LYRM4: variants seen among roughly 807,000 people sequenced by gnomAD.
The protein encoded by LYRM4 is LYR motif-containing protein 4.
Under a neutral mutation model 11.7 loss-of-function variants are expected in LYRM4, and 9 were observed. That is an observed-to-expected ratio of 0.77 (90% CI 0.46 to 1.34). The LOEUF is 1.34. Among genes scored for constraint, LYRM4 ranks in the 40% most tolerant of loss-of-function variants. The pLI is 0.00. For missense variants in LYRM4, 133 were observed against 112.5 expected (o/e 1.18, Z -0.82); for synonymous variants, 42 against 40.4 (o/e 1.04, Z -0.15).
chr6:5,075,053 C>T, the LYRM4 span, among the ~76,000 whole-genome samples: 7 of 152,102 alleles, frequency 4.6e-5, no homozygotes, highest in Admixed American at 2.0e-4. Context: ...CCCTTGCTCC[C>T]TCTCTTGCCA....
chr6:5,116,717 T>C (rs1374297945), intron 2 of LYRM4, among the ~76,000 whole-genome samples: 2 of 152,138 alleles, frequency 1.3e-5, no homozygotes, highest in Non-Finnish European at 2.9e-5. Context: ...GTTTAGGGAG[T>C]TGGCATTAGA....
the LYRM4 span, among the ~76,000 whole-genome samples, chr6:5,090,640 C>T: frequency 6.6e-5 from 10 of 152,264 alleles, no homozygotes; most frequent in African/African-American, 1.2e-4. This position sits in a 1 kb window ranked among gnomAD's most constrained non-coding sequence, Gnocchi z 4.8. Flanking sequence ...CCATTCTGAC[C>T]GTCCCCTCAT....
At chr6:5,124,182 A>G (rs373696) in intron 2 of LYRM4, among the ~76,000 whole-genome samples, 110,889 of 152,042 alleles carry the variant, frequency 0.73, 40,856 homozygotes, top group East Asian at 0.93. Flanking sequence ...CAGTTTACTG[A>G]ACATACCTTC....
At chr6:5,168,484 A>G (rs1261554187) in intron 2 of LYRM4, among the ~76,000 whole-genome samples, 1 of 152,192 alleles carries the variant, frequency 6.6e-6, no homozygotes, top group Non-Finnish European at 1.5e-5. Flanking sequence ...CATGACGACA[A>G]TGAGACACGT....
chr6:5,114,236 G>T (rs1302190111), intron 2 of LYRM4, among the ~76,000 whole-genome samples: 1 of 152,238 alleles, frequency 6.6e-6, no homozygotes, highest in Non-Finnish European at 1.5e-5. Flanking sequence ...TTTGATATGG[G>T]AGCTACACGC....
At chr6:5,141,821 C>T (rs777253833) in intron 2 of LYRM4, among the ~76,000 whole-genome samples, 49 of 152,234 alleles carry the variant, frequency 3.2e-4, no homozygotes, top group Non-Finnish European at 5.6e-4. Context: ...TAAGAGAAAA[C>T]GTTAAAGTTT....
chr6:5,197,362 G>GGTAAT (rs1474984995), intron 2 of LYRM4, among the ~76,000 whole-genome samples: 1 of 152,200 alleles, frequency 6.6e-6, no homozygotes, highest in African/African-American at 2.4e-5. Context: ...CAAGAAAAAG[G>GGTAAT]GTAATATCTT....
intron 2 of LYRM4, among the ~76,000 whole-genome samples, chr6:5,177,099 C>T (rs577492094): frequency 7.2e-5 from 11 of 152,262 alleles, no homozygotes; most frequent in African/African-American, 2.2e-4. Flanking sequence ...TGGAAAAGTG[C>T]GAATACAGTT....
chr6:5,044,676 CA>C, the LYRM4 span, among the ~76,000 whole-genome samples: 1 of 152,152 alleles, frequency 6.6e-6, no homozygotes, highest in Admixed American at 6.5e-5. Flanking sequence ...TGATGGAATC[CA>C]AGCTTAATTA....
intron 2 of LYRM4, among the ~76,000 whole-genome samples, chr6:5,114,550 G>A (rs1415408442): frequency 2.6e-5 from 4 of 152,152 alleles, no homozygotes; most frequent in Non-Finnish European, 4.4e-5. Flanking sequence ...CTGGGGAGGT[G>A]CAATTAACAG....
At chr6:5,086,377 G>T in the LYRM4 span, 4 of 1,536,140 alleles carry the variant, frequency 2.6e-6, no homozygotes, top group Non-Finnish European at 3.5e-6. Context: ...GCCAGGCGCC[G>T]AGTGCTTCCA....
intron 1 of LYRM4, among the ~76,000 whole-genome samples, chr6:5,225,809 T>C (rs1156630232): frequency 6.6e-6 from 1 of 152,266 alleles, no homozygotes; most frequent in Non-Finnish European, 1.5e-5. Context: ...GTTTTCCTCA[T>C]AGGAAGTACA....
chr6:5,219,715 TTTC>T (rs1435118529), intron 1 of LYRM4, among the ~76,000 whole-genome samples: 1 of 152,064 alleles, frequency 6.6e-6, no homozygotes, highest in African/African-American at 2.4e-5. Context: ...CTTTTTTTTT[TTTC>T]TTTTTTCTTT....
chr6:5,125,012 G>A (rs931734647), intron 2 of LYRM4, among the ~76,000 whole-genome samples: 1 of 152,178 alleles, frequency 6.6e-6, no homozygotes, highest in Non-Finnish European at 1.5e-5. Flanking sequence ...GCAGTGCAGG[G>A]CTTCCCTCGT....
chr6:5,254,497 T>G (rs1299132891), intron 1 of LYRM4, among the ~76,000 whole-genome samples: 1 of 152,206 alleles, frequency 6.6e-6, no homozygotes, highest in Non-Finnish European at 1.5e-5. Flanking sequence ...AATTTAAAAT[T>G]CATGGCCCAA....
In LYRM4 at chr6:5,138,738, G is replaced by A; in HGVS notation, c.208-29247C>T. Reference sequence around the variant, plus strand: ...GGCAGACAATGACTATGGACTTTATGCCTGGGGGTAAAAAGAGAAAAAAAT... The same window carrying A: ...GGCAGACAATGACTATGGACTTTATACCTGGGGGTAAAAAGAGAAAAAAAT... On this transcript the variant is annotated intron_variant, in intron 2 of 2. Transcript: ENST00000330636. The A allele has an allele frequency of 2.0e-6, 3 of 1,531,502 alleles. No individual in the cohort carries two copies. In the South Asian group the frequency reaches 3.6e-5, roughly 18 times the overall value. The allele number at this position is 1,531,502 out of a possible 1,614,324, so 94.9% of individuals were successfully genotyped here.
chr6:5,156,384 T>G (rs114054754), intron 2 of LYRM4, among the ~76,000 whole-genome samples: 10 of 152,172 alleles, frequency 6.6e-5, no homozygotes, highest in Non-Finnish European at 1.5e-4. Context: ...CAGGAACCCA[T>G]GGTATGTATG....
intron 1 of LYRM4, among the ~76,000 whole-genome samples, chr6:5,217,998 C>T (rs1035608968): frequency 6.6e-6 from 1 of 152,086 alleles, no homozygotes; most frequent in Non-Finnish European, 1.5e-5. Flanking sequence ...ATTGCAAACT[C>T]CTGGGCTCAA....
intron 2 of LYRM4, chr6:5,187,005 AT>A (rs1484991509): frequency 5.1e-5 from 48 of 937,922 alleles, no homozygotes; most frequent in Non-Finnish European, 5.9e-5. Flanking sequence ...AAAATTGTCT[AT>A]AAAAGAATAG....
Sources: allele counts gnomAD v4.1 joint callset (sites outside exome capture counted in the v4.1 genomes callset), GRCh38; gene constraint gnomAD v4.1.1; non-coding constraint Gnocchi (gnomAD v3.1); transcripts MANE v1.5; gene names NCBI Gene and HGNC (gene_info 2026-07-23, HGNC 2026-07-21).